PCDHGB5: variants seen among roughly 807,000 people sequenced by gnomAD.
PCDHGB5 encodes protocadherin gamma subfamily B, 5, also known as protocadherin gamma-B5.
Under a neutral mutation model 62.9 loss-of-function variants are expected in PCDHGB5, and 48 were observed. The observed-to-expected ratio is 0.76, with a 90% CI of 0.61 to 0.97. PCDHGB5 has a LOEUF of 0.97. Ranked by LOEUF, PCDHGB5 falls within the 50% of genes least tolerant of loss-of-function variation. The probability of loss-of-function intolerance (pLI) is 0.00; values close to 1 mark genes in which losing one functional copy is unlikely to be tolerated. For synonymous variants in PCDHGB5, 474 were observed against 511.2 expected (o/e 0.93, Z 0.98); for missense variants, 1,118 against 1,198.6 (o/e 0.93, Z 0.99).
intron 1 of PCDHGB5, among the ~76,000 whole-genome samples, chr5:141,425,918 C>T (rs901485843): frequency 1.1e-4 from 16 of 152,200 alleles, no homozygotes; most frequent in Admixed American, 2.0e-4. Flanking sequence ...ACAGTCACTA[C>T]GAAAACTCAT....
intron 1 of PCDHGB5, chr5:141,409,583 G>A (rs1221824873): frequency 1.2e-6 from 2 of 1,613,920 alleles, no homozygotes; most frequent in African/African-American, 1.3e-5. Flanking sequence ...CGTGGTCCAC[G>A]TGGCCGAGAA....
chr5:141,415,758 T>TG, intron 1 of PCDHGB5: 1 of 1,381,742 alleles, frequency 7.2e-7, no homozygotes, highest in South Asian at 1.7e-5. Context: ...TTTTTTTTTT[T>TG]TTTTTTTTTT....
chr5:141,425,897 A>G (rs893972047), intron 1 of PCDHGB5, among the ~76,000 whole-genome samples: 1 of 152,240 alleles, frequency 6.6e-6, no homozygotes, highest in African/African-American at 2.4e-5. Context: ...TTTGGTAGTA[A>G]ACACTGGAAA....
rs371350905 is a variant in PCDHGB5 at position 141,476,860 on chromosome 5, G to A, written c.2398-17947G>A. The A allele has an allele frequency of 6.7e-5, 108 of 1,613,762 alleles. No individual in the cohort carries two copies. The highest frequency in any genetic ancestry group is 1.6e-4 in the East Asian group (7 of 44,884). ...ATGCGCCTGTCTTCAACCAGTCCTT[G>A]TACCGGGCGCGCGTCCTGGAGGATG... is the stretch of plus-strand genomic sequence containing the variant. On this transcript the variant is annotated intron_variant, in intron 1 of 3. Transcript: ENST00000617380. This position sits in a 1 kb window ranked among gnomAD's most constrained non-coding sequence, Gnocchi z 7.6.
chr5:141,497,125 G>A (rs968031174), intron 2 of PCDHGB5, among the ~76,000 whole-genome samples: 1 of 152,094 alleles, frequency 6.6e-6, no homozygotes, highest in South Asian at 2.1e-4. Context: ...GGCAGAGGTT[G>A]CAGTGAGCTG....
At chr5:141,410,363 C>T (rs1341289640) in intron 1 of PCDHGB5, 6 of 1,614,068 alleles carry the variant, frequency 3.7e-6, no homozygotes, top group Non-Finnish European at 3.4e-6. Flanking sequence ...CTCTCTCAGC[C>T]CTGCTACTTG....
intron 1 of PCDHGB5, chr5:141,409,895 C>T (rs928044268): frequency 2.5e-6 from 4 of 1,613,098 alleles, no homozygotes; most frequent in Non-Finnish European, 3.4e-6. Flanking sequence ...GGTGCTGTAC[C>T]CAGCTCTGGG....
chr5:141,418,579 A>C, intron 1 of PCDHGB5: 1 of 1,614,000 alleles, frequency 6.2e-7, no homozygotes. Context: ...ACAACCCCCC[A>C]GTGTTCAGCC....
Position 141,414,566 on chromosome 5 carries a change from A to G in PCDHGB5, c.2397+14042A>G, listed in dbSNP as rs375828619. The stretch of plus-strand genomic sequence containing the variant: ...TTCTCTCAAGTCTCCTACTTTACCT[A>G]TATCCCAGAGAACAACGCCAGGGGT... On this transcript the variant is annotated intron_variant, in intron 1 of 3. Coordinates refer to ENST00000617380, the MANE Select transcript of PCDHGB5 (RefSeq NM_018925.3). The G allele has an allele frequency of 6.6e-5, 106 of 1,613,800 alleles. No homozygotes were observed. Among genetic ancestry groups the G allele is most frequent in the Non-Finnish European group, 8.4e-5 (99 of 1,179,878 alleles).
In PCDHGB5 at chr5:141,441,877, C is replaced by T. The variant is rs945298341; in HGVS notation, c.2397+41353C>T. ...GCTGCACGCCGCGGAGCCTGGCTACCTGGTCACCAAGGTGGTGGCTGTAGA... is the reference window on the plus strand; with the variant it reads ...GCTGCACGCCGCGGAGCCTGGCTACTTGGTCACCAAGGTGGTGGCTGTAGA... On this transcript the variant is annotated intron_variant, in intron 1 of 3. Transcript: ENST00000617380. 4 of 343,582 alleles carry T rather than the reference C, an allele frequency of 1.2e-5. No homozygotes were observed. In the Admixed American group the frequency reaches 1.6e-4, roughly 13 times the overall value. 21.3% of individuals were successfully genotyped at this position (343,582 alleles called of 1,614,324 possible).
Position 141,489,358 on chromosome 5 carries a change from G to C in PCDHGB5, c.2398-5449G>C. 1 of 1,613,144 alleles carries C rather than the reference G, an allele frequency of 6.2e-7. No homozygotes were observed. The highest frequency in any genetic ancestry group is 1.7e-4 in the Middle Eastern group (1 of 6,052). On this transcript the variant is annotated intron_variant, in intron 1 of 3. Coordinates refer to ENST00000617380, the MANE Select transcript of PCDHGB5 (RefSeq NM_018925.3). The surrounding 1 kb of genome is among the most constrained non-coding windows in gnomAD (Gnocchi z 4.5). ...TCGTTACTCAGTGGTGGAGGAGTCT[G>C]AGCCGGGGACGCTGGTGGGGAATGT...
Position 141,431,352 on chromosome 5 carries a change from G to C in PCDHGB5, c.2397+30828G>C. Reference sequence around the variant, plus strand: ...AAGTACCCCGAATTGGTGCTGAAACGCGCCCTGGACCGCGAAGAAAAGGCT... The same window carrying C: ...AAGTACCCCGAATTGGTGCTGAAACCCGCCCTGGACCGCGAAGAAAAGGCT... On this transcript the variant is annotated intron_variant, in intron 1 of 3. Coordinates refer to ENST00000617380, the MANE Select transcript of PCDHGB5 (RefSeq NM_018925.3). This position sits in a 1 kb window ranked among gnomAD's most constrained non-coding sequence, Gnocchi z 4.8. The C allele has an allele frequency of 6.2e-7, 1 of 1,614,044 alleles. No individual in the cohort carries two copies. The highest frequency in any genetic ancestry group is 8.5e-7 in the Non-Finnish European group (1 of 1,180,032).
rs1334965321 is a variant in PCDHGB5, at chr5:141,432,195, C to T, written c.2397+31671C>T. 3 of 1,614,088 alleles carry T rather than the reference C, an allele frequency of 1.9e-6. No homozygotes were observed. The Admixed American group carries it at 5.0e-5, about 27-fold the overall frequency. ...CTCGTCTCTGTGACCGCCCACGACC[C>T]CGACTGTGAAGAGAACGCCCAGATC... On this transcript the variant is annotated intron_variant, in intron 1 of 3. Transcript: ENST00000617380. This position sits in a 1 kb window ranked among gnomAD's most constrained non-coding sequence, Gnocchi z 6.0.
At chr5:141,504,666 G>T (rs2099839952) in intron 2 of PCDHGB5, among the ~76,000 whole-genome samples, 1 of 107,242 alleles carries the variant, frequency 9.3e-6, no homozygotes, top group South Asian at 3.6e-4. Context: ...AGGGCGGGGG[G>T]TGGGGGTTCT....
intron 1 of PCDHGB5, chr5:141,403,542 A>T (rs561106024): frequency 1.2e-6 from 2 of 1,613,990 alleles, no homozygotes; most frequent in East Asian, 4.5e-5. Context: ...CTGGTGCTGG[A>T]GCGCGCCCTG....
At position 141,491,766 on chromosome 5, in the gene PCDHGB5, T is replaced by G. The variant is rs772444495; in HGVS notation, c.2398-3041T>G. On this transcript the variant is annotated intron_variant, in intron 1 of 3. Coordinates refer to ENST00000617380, the MANE Select transcript of PCDHGB5 (RefSeq NM_018925.3). This position sits in a 1 kb window ranked among gnomAD's most constrained non-coding sequence, Gnocchi z 6.9. ...GCACTGGAGAAGCCGCCCGTCCTCA[T>G]AAGGGATTGAACTTGCATCCACTCC... The G allele has an allele frequency of 1.9e-6, 3 of 1,567,856 alleles. No homozygotes were observed. Among genetic ancestry groups the G allele is most frequent in the Non-Finnish European group, 8.6e-7 (1 of 1,158,088 alleles).
At position 141,399,112 on chromosome 5, in the gene PCDHGB5, G is replaced by A; in HGVS notation, c.985G>A (p.Val329Ile). The A allele has an allele frequency of 6.2e-7, 1 of 1,613,794 alleles. No individual in the cohort carries two copies. Among genetic ancestry groups the A allele is most frequent in the African/African-American group, 1.3e-5 (1 of 75,036 alleles). Residue 329 changes from valine to isoleucine, a missense_variant, in exon 1 of 4, where the codon GTT becomes ATT. Around this residue, in one of 2 missense-constraint regions of PCDHGB5, gnomAD observed 1,034 missense variants for 1,029.1 expected, o/e 1.00. Transcript: ENST00000617380. ...DGGGLVAQCT[V>I]EINIQDENDN... Reference sequence around the variant, plus strand: ...TGGTGGACTGGTTGCACAATGTACAGTTGAAATTAATATTCAAGATGAAAA... The same window carrying A: ...TGGTGGACTGGTTGCACAATGTACAATTGAAATTAATATTCAAGATGAAAA...
intron 1 of PCDHGB5, among the ~76,000 whole-genome samples, chr5:141,438,039 C>T (rs1373700448): frequency 6.6e-6 from 1 of 152,024 alleles, no homozygotes; most frequent in Non-Finnish European, 1.5e-5. Flanking sequence ...CCATGCCCGA[C>T]CACTTTGAGT....
chr5:141,481,352 C>T (rs1007066307), intron 1 of PCDHGB5, among the ~76,000 whole-genome samples: 3 of 152,222 alleles, frequency 2.0e-5, no homozygotes, highest in East Asian at 1.9e-4. Flanking sequence ...TAAACATCTA[C>T]AGCTGTTCAA....
Sources: gnomAD v4.1 joint callset for allele counts (sites outside exome capture counted in the v4.1 genomes callset) on GRCh38, gnomAD v4.1.1 for gene constraint, gnomAD v4.1.1 regional missense constraint, Gnocchi (gnomAD v3.1) non-coding constraint, MANE v1.5 for transcripts, NCBI Gene and HGNC (gene_info 2026-07-23, HGNC 2026-07-21) for gene names.